NEURL4: variants seen among roughly 807,000 people sequenced by gnomAD.
NEURL4 encodes neuralized E3 ubiquitin protein ligase 4.
A neutral mutation model predicts 148.0 loss-of-function variants in NEURL4; 45 were observed. That is an observed-to-expected ratio of 0.30 (90% CI 0.24 to 0.39). NEURL4 has a LOEUF of 0.39. Among genes scored for constraint, NEURL4 ranks in the 10% least tolerant of loss-of-function variants. The pLI is 1.00. For synonymous variants in NEURL4, 854 were observed against 869.0 expected, an observed-to-expected ratio of 0.98 and a Z score of 0.30; for missense variants, 1,776 against 2,144.0, an observed-to-expected ratio of 0.83 and a Z score of 3.39.
chr17:7,324,383 C>G lies in NEURL4; in HGVS notation c.1899+12G>C, dbSNP rs767912392. On this transcript the variant is annotated intron_variant, in intron 10 of 28. Transcript: ENST00000399464. The surrounding 1 kb of genome is among the most constrained non-coding windows in gnomAD (Gnocchi z 5.9). ...CCGCTGCGGCCGCCAGGCGGCGCAC[C>G]CACTTTCCCACCTTGAGGCGGTCCA... 1 of 1,614,072 alleles carries G rather than the reference C, an allele frequency of 6.2e-7. No homozygotes were observed. The highest frequency in any genetic ancestry group is 1.3e-5 in the African/African-American group (1 of 75,048).
chr17:7,317,373 GGGA>G lies in NEURL4; in HGVS notation c.4319-6_4319-4del, dbSNP rs769054561. On this transcript the variant is annotated splice_polypyrimidine_tract_variant and splice_region_variant and intron_variant, in intron 27 of 28. Transcript: ENST00000399464. ...GCAGCTCAGGATGGAGGCAGTACCT[GGGA>G]GGAGAACTGGGTCAGGATAGCCCTT... 3.2e-6 allele frequency: 5 copies of G among 1,582,982 alleles called. No individual in the cohort carries two copies. The highest frequency in any genetic ancestry group is 2.7e-5 in the African/African-American group (2 of 74,414).
At position 7,325,666 on chromosome 17, in the gene NEURL4, G is replaced by A. The variant is rs747626273; in HGVS notation, c.1341C>T (p.His447=). 1.2e-5 allele frequency: 20 copies of A among 1,613,724 alleles called. No homozygotes were observed. The highest frequency in any genetic ancestry group is 8.5e-7 in the Non-Finnish European group (1 of 1,179,964). The change falls in exon 7 of 29, where the codon CAC becomes CAT. Residue 447 remains histidine, a synonymous_variant. Coordinates refer to ENST00000399464, the MANE Select transcript of NEURL4 (RefSeq NM_032442.3). ...CCTGATCGATACCATTAATGAAGAAGTGTAGGGCAGAGTTGGACTTCCTTG... is the reference window on the plus strand; with the variant it reads ...CCTGATCGATACCATTAATGAAGAAATGTAGGGCAGAGTTGGACTTCCTTG... The part of the protein sequence containing the change: ...GLTRKSNSAL[H]FFINGIDQGV...
At position 7,327,806 on chromosome 17, in the gene NEURL4, T is replaced by C. The variant is rs377591196; in HGVS notation, c.361A>G (p.Thr121Ala). The change falls in exon 2 of 29, where the codon ACG (threonine) becomes GCG (alanine). Residue 121 changes from threonine (T) to alanine (A), a missense_variant. Physicochemically the swap from Thr to Ala is moderately conservative, Grantham distance 58 (BLOSUM62 0). Coordinates refer to ENST00000399464, the MANE Select transcript of NEURL4 (RefSeq NM_032442.3). This position sits in a 1 kb window ranked among gnomAD's most constrained non-coding sequence, Gnocchi z 6.6. The stretch of plus-strand genomic sequence containing the variant: ...ACCCACGAGCCCCCCTTCAGGCCCG[T>C]GGCACTGCTTGGAAAGTCCAGCACA... ...PSVLDFPSSA[T>A]GLKGGSWVVS... The C allele has an allele frequency of 8.3e-5, 134 of 1,613,814 alleles. No homozygotes were observed. The highest frequency in any genetic ancestry group is 1.0e-4 in the Non-Finnish European group (122 of 1,180,024).
chr17:7,325,424 C>A lies in NEURL4; in HGVS notation c.1416G>T (p.Leu472Phe). 1 of 1,612,920 alleles carries A rather than the reference C, an allele frequency of 6.2e-7. No individual in the cohort carries two copies. Among genetic ancestry groups the A allele is most frequent in the Non-Finnish European group, 8.5e-7 (1 of 1,179,992 alleles). Residue 472 changes from leucine to phenylalanine, a missense_variant, in exon 8 of 29, where the codon TTG (leucine) becomes TTT (phenylalanine). By Grantham distance (22) the Leu-to-Phe change is conservative. Transcript: ENST00000399464. ...TGGTCACCTTCACTGCCATCCCGTA[C>A]AAGTCCACCACACCATACACCACTG... ...TPPVVYGVVDLYGMAVKVTIV... is the reference protein window; with the variant it reads ...TPPVVYGVVDFYGMAVKVTIV...
In NEURL4 at chr17:7,318,805, C is replaced by T; in HGVS notation, c.3685-131G>A. 1 of 1,071,794 alleles carries T rather than the reference C, an allele frequency of 9.3e-7. No homozygotes were observed. The highest frequency in any genetic ancestry group is 1.3e-6 in the Non-Finnish European group (1 of 754,948). 66.4% of individuals were successfully genotyped at this position (1,071,794 alleles called of 1,614,324 possible). On this transcript the variant is annotated intron_variant, in intron 22 of 28. Coordinates refer to ENST00000399464, the MANE Select transcript of NEURL4 (RefSeq NM_032442.3). This position sits in a 1 kb window ranked among gnomAD's most constrained non-coding sequence, Gnocchi z 4.3. ...CTTGCCCACTGCCGAGGTTCTCCTC[C>T]CACTGCAGTTACCTAGAGCCCCTCC...
In NEURL4 at chr17:7,317,284, G is replaced by A. The variant is rs1333811956; in HGVS notation, c.4405C>T (p.Arg1469Trp). 6.6e-6 allele frequency: 10 copies of A among 1,525,610 alleles called. No individual in the cohort carries two copies. Among genetic ancestry groups the A allele is most frequent in the Admixed American group, 2.2e-5 (1 of 45,728 alleles). The allele number at this position is 1,525,610 out of a possible 1,614,324, so 94.5% of individuals were successfully genotyped here. ...AGCACAGGAGGGGGCTGCTCCTCCC[G>A]AGGAGGTGCACAGTTCTCGCCAGGC... Reference protein sequence around the residue: ...EEPGENCAPPREEQPPPVLLS... With the variant: ...EEPGENCAPPWEEQPPPVLLS... The change falls in exon 28 of 29, where the codon CGG becomes TGG. Residue 1469 changes from arginine to tryptophan, a missense_variant. Physicochemically the swap from Arg to Trp is moderately radical, Grantham distance 101. Transcript: ENST00000399464.
At position 7,317,551 on chromosome 17, in the gene NEURL4, C is replaced by T; in HGVS notation, c.4228G>A (p.Gly1410Arg). ...ATGTGCCACTTCTTGGTTAGTGTCC[C>T]AGCCTCCAGGCGGGGATTCACTCTA... Reference protein sequence around the residue: ...NLRVNPRLEAGTLTKKWHMAY... With the variant: ...NLRVNPRLEARTLTKKWHMAY... The change falls in exon 27 of 29, where the codon GGG (glycine) becomes AGG (arginine). Residue 1410 changes from glycine to arginine, a missense_variant. By Grantham distance (125) the Gly-to-Arg change is moderately radical. Transcript: ENST00000399464. 2 of 1,614,176 alleles carry T rather than the reference C, an allele frequency of 1.2e-6. No individual in the cohort carries two copies. The highest frequency in any genetic ancestry group is 1.7e-6 in the Non-Finnish European group (2 of 1,180,020).
chr17:7,321,117 G>C lies in NEURL4; in HGVS notation c.3355C>G (p.Leu1119Val). Residue 1119 changes from leucine to valine, a missense_variant, in exon 20 of 29, where the codon CTG becomes GTG. Transcript: ENST00000399464. This position sits in a 1 kb window ranked among gnomAD's most constrained non-coding sequence, Gnocchi z 6.3. ...ACCATGCTGCAGCCTCTTACTCCCAGGCCATGCTCCTCGCCCTCGTCATCC... is the reference window on the plus strand; with the variant it reads ...ACCATGCTGCAGCCTCTTACTCCCACGCCATGCTCCTCGCCCTCGTCATCC... ...EEDDEGEEHGLGGQNEVGIIP... is the reference protein window; with the variant it reads ...EEDDEGEEHGVGGQNEVGIIP... 6.2e-7 allele frequency: 1 copy of C among 1,613,558 alleles called. No homozygotes were observed. The highest frequency in any genetic ancestry group is 8.5e-7 in the Non-Finnish European group (1 of 1,179,880).
intron 21 of NEURL4, 133 bp downstream of exon 21, chr17:7,320,626 T>C (rs991354283): frequency 4.0e-6 from 3 of 755,764 alleles, no homozygotes; most frequent in Non-Finnish European, 6.4e-6. Flanking sequence ...TTACAGGCTA[T>C]GAATAAAAGC....
At chr17:7,319,787 A>T (rs540586900) in intron 21 of NEURL4, among the ~76,000 whole-genome samples, 1 of 150,658 alleles carries the variant, frequency 6.6e-6, no homozygotes, top group African/African-American at 2.4e-5. Flanking sequence ...ATCTCTAAGG[A>T]TTCTTATTCC....
intron 28 of NEURL4, 64 bp from the exon 29 acceptor site, chr17:7,316,391 C>G: frequency 3.8e-6 from 5 of 1,318,998 alleles, no homozygotes; most frequent in South Asian, 1.3e-5. Context: ...CTTGCAAAGT[C>G]TGTTCCAACC....
Position 7,325,291 on chromosome 17 carries a change from C to G in NEURL4, c.1549G>C (p.Glu517Gln), listed in dbSNP as rs750391959. 6.2e-7 allele frequency: 1 copy of G among 1,609,956 alleles called. No homozygotes were observed. The highest frequency in any genetic ancestry group is 1.1e-5 in the South Asian group (1 of 90,886). The change falls in exon 8 of 29, where the codon GAA (glutamate) becomes CAA (glutamine). Residue 517 changes from glutamate to glutamine, a missense_variant. Glu to Gln is a conservative substitution (Grantham distance 29). Transcript: ENST00000399464. ...GGGTGGAAGAGCAGGCGCTCAGGTT[C>G]TGCCTGGGCGGCAGGGGCAGCACGG... Reference protein sequence around the residue: ...LRRAAPAAQAEPERLLFHPNC... With the variant: ...LRRAAPAAQAQPERLLFHPNC...
Position 7,321,895 on chromosome 17 carries a change from G to A in NEURL4, c.2841C>T (p.Thr947=), listed in dbSNP as rs1319156649. The A allele has an allele frequency of 6.2e-7, 1 of 1,613,968 alleles. No homozygotes were observed. The highest frequency in any genetic ancestry group is 8.5e-7 in the Non-Finnish European group (1 of 1,179,992). Residue 947 remains threonine (T), a synonymous_variant, in exon 17 of 29, where the codon ACC becomes ACT. Coordinates refer to ENST00000399464, the MANE Select transcript of NEURL4 (RefSeq NM_032442.3). The surrounding 1 kb of genome is among the most constrained non-coding windows in gnomAD (Gnocchi z 6.3). Reference sequence around the variant, plus strand: ...AGACTTCCTCAGCCCTCAGCTCCTTGGTACTGAAGACAAGGCCATGAGCAT... The same window carrying A: ...AGACTTCCTCAGCCCTCAGCTCCTTAGTACTGAAGACAAGGCCATGAGCAT... ...AGYAHGLVFS[T]KELRAEEVFE... is the part of the protein sequence containing the mutation.
rs1027216967 is a variant in NEURL4 at position 7,322,967 on chromosome 17, C to T, written c.2574G>A (p.Ser858=). ...INGQDQGAAC[S]GLPPGKEVYA... The stretch of plus-strand genomic sequence containing the variant: ...AGTCACCTTTACCCGGAGGCAGGCC[C>T]GAGCAGGCAGCGCCTTGGTCCTGGC... Residue 858 remains serine, a synonymous_variant, in exon 15 of 29, where the codon TCG becomes TCA. Coordinates refer to ENST00000399464, the MANE Select transcript of NEURL4 (RefSeq NM_032442.3). The surrounding 1 kb of genome is among the most constrained non-coding windows in gnomAD (Gnocchi z 5.5). The T allele has an allele frequency of 5.0e-6, 8 of 1,613,394 alleles. No individual in the cohort carries two copies. The highest frequency in any genetic ancestry group is 2.2e-5 in the East Asian group (1 of 44,892).
At position 7,320,789 on chromosome 17, in the gene NEURL4, G is replaced by C. The variant is rs781652956; in HGVS notation, c.3495C>G (p.Asn1165Lys). 6 of 1,613,884 alleles carry C rather than the reference G, an allele frequency of 3.7e-6. No homozygotes were observed. The highest frequency in any genetic ancestry group is 8.5e-7 in the Non-Finnish European group (1 of 1,179,948). Reference sequence around the variant, plus strand: ...CCAGCAGCTGGGGCACCAGAGGTTGGTTGATGACAACGATGCCCTGATTGT... The same window carrying C: ...CCAGCAGCTGGGGCACCAGAGGTTGCTTGATGACAACGATGCCCTGATTGT... Reference protein sequence around the residue: ...ASYNQGIVVINQPLVPQLLVQ... With the variant: ...ASYNQGIVVIKQPLVPQLLVQ... The change falls in exon 21 of 29, where the codon AAC becomes AAG. Residue 1165 changes from asparagine (N) to lysine (K), a missense_variant. Asn to Lys is a moderately conservative substitution (Grantham distance 94, BLOSUM62 0). Coordinates refer to ENST00000399464, the MANE Select transcript of NEURL4 (RefSeq NM_032442.3).
In NEURL4 at chr17:7,324,359, C is replaced by T. The variant is rs28504621; in HGVS notation, c.1899+36G>A. 4,829 of 1,613,866 alleles carry T rather than the reference C, an allele frequency of 3.0e-3. 60 individuals carry two copies. The African/African-American group carries it at 0.039, about 13-fold the overall frequency. On this transcript the variant is annotated intron_variant, in intron 10 of 28. Coordinates refer to ENST00000399464, the MANE Select transcript of NEURL4 (RefSeq NM_032442.3). The surrounding 1 kb of genome is among the most constrained non-coding windows in gnomAD (Gnocchi z 5.9). ...TCAGCCCCGCGGTGTTTGTGATGCCCGCTGCGGCCGCCAGGCGGCGCACCC... is the reference window on the plus strand; with the variant it reads ...TCAGCCCCGCGGTGTTTGTGATGCCTGCTGCGGCCGCCAGGCGGCGCACCC...
intron 12 of NEURL4, 28 bp downstream of exon 12, chr17:7,323,786 G>A (rs751052673): frequency 1.2e-6 from 2 of 1,614,002 alleles, no homozygotes; most frequent in South Asian, 2.2e-5. Context: ...CAGGAGGAAG[G>A]TGGGGACATG....
At position 7,328,803 on chromosome 17, in the gene NEURL4, G is replaced by A. The variant is rs548269983; in HGVS notation, c.282+228C>T. ...GCCATTCTAGTGGGTTAGCCCTCGTGTCCCTTCCCTGGTTCTGGATCTTGA... is the reference window on the plus strand; with the variant it reads ...GCCATTCTAGTGGGTTAGCCCTCGTATCCCTTCCCTGGTTCTGGATCTTGA... On this transcript the variant is annotated intron_variant, in intron 1 of 28. Coordinates refer to ENST00000399464, the MANE Select transcript of NEURL4 (RefSeq NM_032442.3). Among the ~76,000 whole-genome samples, 9 of 152,292 alleles carry A rather than the reference G, an allele frequency of 5.9e-5. No homozygotes were observed. The South Asian group carries it at 8.3e-4, about 14-fold the overall frequency.
In NEURL4 at chr17:7,321,632, T is replaced by C. The variant is rs746391652; in HGVS notation, c.3027A>G (p.Val1009=). 1.4e-5 allele frequency: 23 copies of C among 1,614,102 alleles called. No individual in the cohort carries two copies. The South Asian group carries it at 2.4e-4, about 17-fold the overall frequency. Residue 1009 remains valine (V), a synonymous_variant, in exon 18 of 29, where the codon GTA becomes GTG. Coordinates refer to ENST00000399464, the MANE Select transcript of NEURL4 (RefSeq NM_032442.3). The surrounding 1 kb of genome is among the most constrained non-coding windows in gnomAD (Gnocchi z 6.3). ...PELRTKTTWM[V]SSCEVRRDGQ... ...CATCACGCCTCACTTCACAGCTGGA[T>C]ACCATCCAAGTGGTCTTCGTCCGGA...
Sources: allele counts gnomAD v4.1 joint callset (sites outside exome capture counted in the v4.1 genomes callset), GRCh38; gene constraint gnomAD v4.1.1; non-coding constraint Gnocchi (gnomAD v3.1); transcripts MANE v1.5; gene names NCBI Gene and HGNC (gene_info 2026-07-23, HGNC 2026-07-21).